The following LRRC4C variants were observed in gnomAD, a reference collection of about 807,000 sequenced individuals.
The protein encoded by LRRC4C is leucine rich repeat containing 4C.
Under a neutral mutation model 33.6 loss-of-function variants are expected in LRRC4C, and 5 were observed. That is an observed-to-expected ratio of 0.15 (90% CI 0.08 to 0.31). The LOEUF (loss-of-function observed/expected upper bound fraction) is 0.31, where lower values mean the gene tolerates loss of function less well. Ranked by LOEUF, LRRC4C falls within the 10% of genes least tolerant of loss-of-function variation. The pLI, the probability that LRRC4C is intolerant of heterozygous loss-of-function variation, is 1.00. For synonymous variants in LRRC4C, 329 were observed against 302.0 expected (o/e 1.09, Z -0.93); for missense variants, 560 against 796.7 (o/e 0.70, Z 3.58).
chr11:41,099,190 G>A (rs1941005196), intron 1 of LRRC4C, among the ~76,000 whole-genome samples: 1 of 151,720 alleles, frequency 6.6e-6, no homozygotes, highest in Non-Finnish European at 1.5e-5. Context: ...AAATCAATAA[G>A]AAATAGCCTA....
intron 3 of LRRC4C, among the ~76,000 whole-genome samples, chr11:40,501,570 G>C (rs1954773948): frequency 6.6e-6 from 1 of 152,188 alleles, no homozygotes; most frequent in South Asian, 2.1e-4. Context: ...CTTGGGGCTT[G>C]CACCCTCTGA....
chr11:40,636,389 T>C lies in LRRC4C; in HGVS notation c.-270+11753A>G, dbSNP rs559779448. Among the ~76,000 whole-genome samples, 9 of 152,144 alleles carry C rather than the reference T, an allele frequency of 5.9e-5. 1 individual carries two copies. In the East Asian group the frequency reaches 1.7e-3, roughly 29 times the overall value. ...AAACCTCTTTTTCAGGAAGAGCAAG[T>C]AAAAGTGGAGCTGGGAAAACTACCC... On this transcript the variant is annotated intron_variant, in intron 3 of 6. Coordinates refer to ENST00000528697, the MANE Select transcript of LRRC4C (RefSeq NM_001258419.2).
intron 3 of LRRC4C, among the ~76,000 whole-genome samples, chr11:40,626,919 T>C (rs1962982063): frequency 6.6e-6 from 1 of 152,168 alleles, no homozygotes; most frequent in South Asian, 2.1e-4. Context: ...AATCCAGATA[T>C]CTTCTCCTCT....
chr11:40,910,679 G>A (rs1352016443), intron 2 of LRRC4C, among the ~76,000 whole-genome samples: 1 of 152,172 alleles, frequency 6.6e-6, no homozygotes, highest in African/African-American at 2.4e-5. Context: ...CATCTCACTG[G>A]GGATTGTCAG....
chr11:41,401,344 C>T (rs999830358), intron 1 of LRRC4C, among the ~76,000 whole-genome samples: 5 of 151,772 alleles, frequency 3.3e-5, no homozygotes, highest in African/African-American at 9.7e-5. Context: ...ATAACCATTA[C>T]GGCAGAAAGT....
At chr11:41,031,179 G>A (rs1035104134) in intron 1 of LRRC4C, among the ~76,000 whole-genome samples, 2 of 151,868 alleles carry the variant, frequency 1.3e-5, no homozygotes, top group Admixed American at 6.6e-5. Flanking sequence ...GTAGGTATTT[G>A]TACAGTGTGG....
At chr11:40,757,331 T>G (rs1184194635) in intron 2 of LRRC4C, among the ~76,000 whole-genome samples, 1 of 152,054 alleles carries the variant, frequency 6.6e-6, no homozygotes, top group Non-Finnish European at 1.5e-5. Flanking sequence ...TATGTTATAT[T>G]ATCCTTATTA....
chr11:40,365,756 T>C (rs1027860852), intron 3 of LRRC4C, among the ~76,000 whole-genome samples: 4 of 152,054 alleles, frequency 2.6e-5, no homozygotes, highest in African/African-American at 9.7e-5. Flanking sequence ...ATTAACTTCA[T>C]TGTCACTTTG....
chr11:41,165,580 C>T (rs1033433618), intron 1 of LRRC4C, among the ~76,000 whole-genome samples: 1 of 152,114 alleles, frequency 6.6e-6, no homozygotes, highest in Non-Finnish European at 1.5e-5. Flanking sequence ...TATACAATGT[C>T]AGGTAGCTTC....
At chr11:41,423,849 T>A (rs1590238084) in intron 1 of LRRC4C, 1 of 151,936 alleles carries the variant, frequency 6.6e-6, no homozygotes, top group South Asian at 2.1e-4. Context: ...ACAGATAGGG[T>A]CTCTGATATG....
At chr11:40,476,053 G>A (rs1464016678) in intron 3 of LRRC4C, among the ~76,000 whole-genome samples, 1 of 152,110 alleles carries the variant, frequency 6.6e-6, no homozygotes, top group African/African-American at 2.4e-5. Flanking sequence ...TGCATCTCCA[G>A]ACATTGCAAA....
intron 1 of LRRC4C, among the ~76,000 whole-genome samples, chr11:41,240,096 C>A (rs188539539): frequency 7.0e-4 from 107 of 152,274 alleles, no homozygotes; most frequent in African/African-American, 2.5e-3. Flanking sequence ...AGACTATGAA[C>A]TAACAAACTC....
At chr11:41,028,437 G>A (rs550087100) in intron 1 of LRRC4C, among the ~76,000 whole-genome samples, 1 of 151,576 alleles carries the variant, frequency 6.6e-6, no homozygotes, top group East Asian at 1.9e-4. Flanking sequence ...TCCACTTCCA[G>A]CAGCTTCGCC....
At chr11:40,444,623 G>T (rs565474763) in intron 3 of LRRC4C, among the ~76,000 whole-genome samples, 280 of 151,998 alleles carry the variant, frequency 1.8e-3, no homozygotes, top group Non-Finnish European at 3.3e-3. Flanking sequence ...TATTTATAAA[G>T]ATTTACTTTA....
intron 6 of LRRC4C, among the ~76,000 whole-genome samples, chr11:40,127,913 G>T (rs972976245): frequency 5.3e-5 from 8 of 152,164 alleles, no homozygotes; most frequent in African/African-American, 1.9e-4. Flanking sequence ...TATCTAGAGT[G>T]GCTCATGTCC....
intron 1 of LRRC4C, among the ~76,000 whole-genome samples, chr11:40,988,870 C>T (rs940500346): frequency 2.0e-5 from 3 of 151,794 alleles, no homozygotes; most frequent in Admixed American, 2.0e-4. Flanking sequence ...GTGCCTGCCA[C>T]CACGCCCGGC....
intron 2 of LRRC4C, among the ~76,000 whole-genome samples, chr11:40,676,983 C>A (rs923919188): frequency 2.0e-5 from 3 of 152,124 alleles, no homozygotes; most frequent in African/African-American, 7.2e-5. Flanking sequence ...GAGCTTTTTA[C>A]CATTCCTGCC....
rs529877585 is a variant in LRRC4C, at chr11:41,453,362, G to A, written c.-496+6069C>T. ...CATGTACTATATTAGGGACCCATTG[G>A]TTCAGAGAAGCACCTTTCAGAGGCC... On this transcript the variant is annotated intron_variant, in intron 1 of 6. Coordinates refer to ENST00000528697, the MANE Select transcript of LRRC4C (RefSeq NM_001258419.2). 2.6e-5 allele frequency among the ~76,000 whole-genome samples: 4 copies of A among 152,200 alleles called. No individual in the cohort carries two copies. The South Asian group carries it at 8.3e-4, about 32-fold the overall frequency.
chr11:41,227,833 T>C lies in LRRC4C; in HGVS notation c.-496+231598A>G, dbSNP rs566303892. On this transcript the variant is annotated intron_variant, in intron 1 of 6. Coordinates refer to ENST00000528697, the MANE Select transcript of LRRC4C (RefSeq NM_001258419.2). Reference sequence around the variant, plus strand: ...ATTCCAAAGTTTTTCTACTATTGGATTGATACAGTCTTCTTTATTCCTGTC... The same window carrying C: ...ATTCCAAAGTTTTTCTACTATTGGACTGATACAGTCTTCTTTATTCCTGTC... 6.6e-5 allele frequency among the ~76,000 whole-genome samples: 10 copies of C among 152,292 alleles called. No individual in the cohort carries two copies. In the South Asian group the frequency reaches 2.1e-3, roughly 32 times the overall value.
Sources: gnomAD v4.1 joint callset for allele counts (sites outside exome capture counted in the v4.1 genomes callset) on GRCh38, gnomAD v4.1.1 for gene constraint, MANE v1.5 for transcripts, NCBI Gene and HGNC (gene_info 2026-07-23, HGNC 2026-07-21) for gene names.